RASA3: variants seen among roughly 807,000 people sequenced by gnomAD.
RASA3 encodes ras GTPase-activating protein 3.
RASA3 carries 73 observed loss-of-function variants against 110.0 expected under a neutral mutation model. The ratio of observed to expected loss-of-function variants is 0.66; its 90% CI spans 0.55 to 0.81. RASA3 has a LOEUF of 0.81. Ranked by LOEUF, RASA3 falls within the 30% of genes least tolerant of loss-of-function variation. RASA3 has a pLI of 0.00. For missense variants in RASA3, 976 were observed against 1,113.2 expected (o/e 0.88, Z 1.75); for synonymous variants, 500 against 451.4 (o/e 1.11, Z -1.37).
chr13:114,110,577 G>A (rs1489323133), intron 1 of RASA3, among the ~76,000 whole-genome samples: 2 of 152,210 alleles, frequency 1.3e-5, no homozygotes, highest in Non-Finnish European at 2.9e-5. Context: ...GCAGGCAGCT[G>A]TGGCCCAGCG....
chr13:114,004,720 G>A (rs1348197227), intron 18 of RASA3, among the ~76,000 whole-genome samples: 1 of 152,102 alleles, frequency 6.6e-6, no homozygotes, highest in African/African-American at 2.4e-5. Context: ...GAAACCCACG[G>A]AGATTTCTCA....
intron 1 of RASA3, among the ~76,000 whole-genome samples, chr13:114,118,960 G>A (rs1594475947): frequency 2.0e-5 from 3 of 152,304 alleles, no homozygotes; most frequent in Middle Eastern, 3.4e-3. Context: ...AGAACTAAAT[G>A]GTCACCCATG....
rs1233098320 is a variant in RASA3, at chr13:114,096,948, T to TCCC, written c.56-23112_56-23111insGGG. ...TCTCCGCCTGCAGTGCCCTCCTCTG[T>TCCC]GTCTCAATCCTTCCCGTGCACCAGG... On this transcript the variant is annotated intron_variant, in intron 1 of 23. Transcript: ENST00000334062. The surrounding 1 kb of genome is among the most constrained non-coding windows in gnomAD (Gnocchi z 5.1). 6.6e-6 allele frequency among the ~76,000 whole-genome samples: 1 copy of TCCC among 152,178 alleles called. No individual in the cohort carries two copies. The highest frequency in any genetic ancestry group is 1.5e-5 in the Non-Finnish European group (1 of 68,036).
At chr13:114,001,555 G>T (rs2053402089) in intron 18 of RASA3, among the ~76,000 whole-genome samples, 1 of 150,432 alleles carries the variant, frequency 6.6e-6, no homozygotes, top group Admixed American at 6.6e-5. Flanking sequence ...CGCGGGCTCA[G>T]GGTCAGGGCG....
intron 9 of RASA3, among the ~76,000 whole-genome samples, chr13:114,019,867 C>G (rs1454972585): frequency 2.9e-5 from 2 of 68,172 alleles, no homozygotes; most frequent in Non-Finnish European, 2.7e-5. Flanking sequence ...GGCATTAGCC[C>G]CCCTCAGGTG....
intron 2 of RASA3, among the ~76,000 whole-genome samples, chr13:114,060,489 G>A (rs1420938481): frequency 2.6e-5 from 4 of 152,220 alleles, no homozygotes; most frequent in Non-Finnish European, 5.9e-5. Flanking sequence ...CGGTCAGCCC[G>A]AGAGGCCACG....
At chr13:114,035,988 C>G (rs1401183079) in intron 4 of RASA3, 1 of 152,268 alleles carries the variant, frequency 6.6e-6, no homozygotes, top group East Asian at 1.9e-4. Context: ...ACGTAGGTGT[C>G]TCTTGGGCGG....
At position 114,041,108 on chromosome 13, in the gene RASA3, A is replaced by G. The variant is rs747489384; in HGVS notation, c.278-14T>C. 7.4e-6 allele frequency: 12 copies of G among 1,612,146 alleles called. No homozygotes were observed. The highest frequency in any genetic ancestry group is 3.3e-5 in the South Asian group (3 of 91,062). On this transcript the variant is annotated splice_polypyrimidine_tract_variant and intron_variant, in intron 3 of 23. Coordinates refer to ENST00000334062, the MANE Select transcript of RASA3 (RefSeq NM_007368.4). ...TGGCCACCTTCCCTGCAACACAAGCAGAGAAGACTTCACCACGGGCACAGG... is the reference window on the plus strand; with the variant it reads ...TGGCCACCTTCCCTGCAACACAAGCGGAGAAGACTTCACCACGGGCACAGG...
rs772685972 is a variant in RASA3 at position 114,007,571 on chromosome 13, G to A, written c.1704C>T (p.Asp568=). 6.8e-6 allele frequency: 11 copies of A among 1,613,378 alleles called. No individual in the cohort carries two copies. In the African/African-American group the frequency reaches 1.3e-4, roughly 20 times the overall value. Residue 568 remains aspartate, a synonymous_variant, in exon 18 of 24, where the codon GAC becomes GAT. Coordinates refer to ENST00000334062, the MANE Select transcript of RASA3 (RefSeq NM_007368.4). ...LDLISSSGRR[D]PKSVEQPIVL... is the part of the protein sequence containing the mutation. ...CGATGGGCTGCTCAACACTCTTGGGGTCTCTTCTCCCCGAGGACGAAATCA... is the reference window on the plus strand; with the variant it reads ...CGATGGGCTGCTCAACACTCTTGGGATCTCTTCTCCCCGAGGACGAAATCA...
At chr13:114,053,969 T>C (rs1427299845) in intron 2 of RASA3, among the ~76,000 whole-genome samples, 2 of 151,712 alleles carry the variant, frequency 1.3e-5, no homozygotes, top group African/African-American at 4.8e-5. Context: ...CTACTAAAAA[T>C]ACAAAAATTA....
intron 18 of RASA3, 138 bp downstream of exon 18, chr13:114,007,395 C>G: frequency 7.7e-6 from 2 of 258,542 alleles, no homozygotes; most frequent in South Asian, 3.2e-5. Flanking sequence ...TCCCCTCCTG[C>G]CCTGCTGGAC....
At chr13:114,011,000 G>A (rs1006492233) in intron 16 of RASA3, among the ~76,000 whole-genome samples, 171 bp downstream of exon 16, 3 of 152,144 alleles carry the variant, frequency 2.0e-5, no homozygotes, top group African/African-American at 4.8e-5. Context: ...AGAGGTGAGC[G>A]GGACGGGGAC....
chr13:114,041,044 T>C lies in RASA3; in HGVS notation c.328A>G (p.Thr110Ala). ...TCCACGTGCTGCAGCTGGAACCAGG[T>C]GTCCCTGTTGTGGTACTTCTGCAAG... ...EDLQKYHNRD[T>A]WFQLQHVDAD... is the part of the protein sequence containing the mutation. The change falls in exon 4 of 24, where the codon ACC becomes GCC. Residue 110 changes from threonine to alanine, a missense_variant. Around this residue, in one of 4 missense-constraint regions of RASA3, gnomAD observed 732 missense variants for 779.7 expected, o/e 0.94. Coordinates refer to ENST00000334062, the MANE Select transcript of RASA3 (RefSeq NM_007368.4). 1.9e-6 allele frequency: 3 copies of C among 1,613,794 alleles called. No individual in the cohort carries two copies. Among genetic ancestry groups the C allele is most frequent in the Non-Finnish European group, 2.5e-6 (3 of 1,180,020 alleles).
intron 18 of RASA3, among the ~76,000 whole-genome samples, chr13:114,002,833 G>C (rs1449681487): frequency 6.6e-6 from 1 of 152,156 alleles, no homozygotes; most frequent in Admixed American, 6.5e-5. Flanking sequence ...CAGGAGCCAC[G>C]GCTAAGCCGG....
rs1467535941 is a variant in RASA3 at position 114,056,375 on chromosome 13, T to G, written c.174-4220A>C. 1 of 922,624 alleles carries G rather than the reference T, an allele frequency of 1.1e-6. No individual in the cohort carries two copies. The highest frequency in any genetic ancestry group is 1.8e-5 in the African/African-American group (1 of 55,742). The allele number at this position is 922,624 out of a possible 1,614,324, so 57.2% of individuals were successfully genotyped here. A position where few individuals can be genotyped will look rare whatever the true frequency, so the allele number is the denominator to read the frequency against. The stretch of plus-strand genomic sequence containing the variant: ...AAACGGGCGCCGCGCACCTGGCATT[T>G]AACCCTGCACACTTCCTCACCACCC... On this transcript the variant is annotated intron_variant, in intron 2 of 23. Transcript: ENST00000334062. This position sits in a 1 kb window ranked among gnomAD's most constrained non-coding sequence, Gnocchi z 5.7.
intron 1 of RASA3, among the ~76,000 whole-genome samples, chr13:114,080,046 G>A (rs1026748279): frequency 4.6e-5 from 7 of 152,234 alleles, no homozygotes; most frequent in African/African-American, 1.4e-4. Flanking sequence ...AGAACTCGGC[G>A]AGGCCGTGGG....
chr13:114,035,825 TGAC>T (rs1373536920), intron 4 of RASA3: 1 of 152,232 alleles, frequency 6.6e-6, no homozygotes, highest in Non-Finnish European at 1.5e-5. Context: ...TGTGAAAGCT[TGAC>T]GACGGACGGT....
chr13:114,027,803 C>T (rs554442828), intron 6 of RASA3, 44 bp downstream of exon 6: 3 of 1,573,350 alleles, frequency 1.9e-6, no homozygotes, highest in East Asian at 2.2e-5. Flanking sequence ...TGGACCCTAG[C>T]CCCCCAGGAC....
chr13:114,018,898 G>T lies in RASA3; in HGVS notation c.807C>A (p.Asp269Glu). Residue 269 changes from aspartate to glutamate, a missense_variant, in exon 10 of 24, where the codon GAC becomes GAA. By Grantham distance (45) the Asp-to-Glu change is conservative. Around this residue, in one of 4 missense-constraint regions of RASA3, gnomAD observed 732 missense variants for 779.7 expected, o/e 0.94. Coordinates refer to ENST00000334062, the MANE Select transcript of RASA3 (RefSeq NM_007368.4). Reference protein sequence around the residue: ...YEAWYFLQPRDNGSKSLKPDD... With the variant: ...YEAWYFLQPRENGSKSLKPDD... ...CTGGCTTTAGGCTCTTGCTACCATT[G>T]TCCCGGGGCTGGAGGAAGTACCTGG... 1 of 1,613,882 alleles carries T rather than the reference G, an allele frequency of 6.2e-7. No homozygotes were observed. The highest frequency in any genetic ancestry group is 8.5e-7 in the Non-Finnish European group (1 of 1,179,984).
Sources: allele counts gnomAD v4.1 joint callset (sites outside exome capture counted in the v4.1 genomes callset), GRCh38; gene constraint gnomAD v4.1.1; regional missense constraint gnomAD v4.1.1; non-coding constraint Gnocchi (gnomAD v3.1); transcripts MANE v1.5; gene names NCBI Gene and HGNC (gene_info 2026-07-23, HGNC 2026-07-21).